The following PEX5L variants were observed in gnomAD, a reference collection of about 807,000 sequenced individuals.
PEX5L encodes PEX5-related protein.
A neutral mutation model predicts 84.0 loss-of-function variants in PEX5L; 30 were observed. The ratio of observed to expected loss-of-function variants is 0.36; its 90% CI spans 0.27 to 0.48. The LOEUF is 0.48. Among genes scored for constraint, PEX5L ranks in the 20% least tolerant of loss-of-function variants. The probability of loss-of-function intolerance (pLI) is 0.99; values close to 1 mark genes in which losing one functional copy is unlikely to be tolerated. For synonymous variants in PEX5L, 270 were observed against 283.1 expected, an observed-to-expected ratio of 0.95 and a Z score of 0.46; for missense variants, 533 against 754.6, an observed-to-expected ratio of 0.71 and a Z score of 3.44.
intron 7 of PEX5L, among the ~76,000 whole-genome samples, chr3:179,862,743 G>A (rs1746651218): frequency 6.6e-6 from 1 of 152,082 alleles, no homozygotes; most frequent in Non-Finnish European, 1.5e-5. Context: ...GATTAATATT[G>A]TTAAATTTCC....
chr3:180,017,127 T>C (rs1300142795), intron 1 of PEX5L, among the ~76,000 whole-genome samples: 1 of 152,192 alleles, frequency 6.6e-6, no homozygotes, highest in Non-Finnish European at 1.5e-5. Flanking sequence ...GTTTACAGAT[T>C]TGAGTCTAAA....
chr3:180,029,217 C>T (rs1034249920), intron 1 of PEX5L, among the ~76,000 whole-genome samples: 10 of 151,890 alleles, frequency 6.6e-5, no homozygotes, highest in Non-Finnish European at 1.2e-4. Flanking sequence ...TTAATAGAGA[C>T]GGGGTTTCAC....
intron 2 of PEX5L, among the ~76,000 whole-genome samples, chr3:179,928,949 C>G (rs1001378909): frequency 3.9e-5 from 6 of 152,204 alleles, no homozygotes; most frequent in African/African-American, 1.4e-4. Flanking sequence ...TTGTAAACAG[C>G]TGTCCCTGTC....
intron 7 of PEX5L, among the ~76,000 whole-genome samples, chr3:179,870,952 C>G (rs1750094010): frequency 6.6e-6 from 1 of 152,104 alleles, no homozygotes; most frequent in Non-Finnish European, 1.5e-5. Flanking sequence ...TTGTGAGCTT[C>G]CATTTTCTTT....
intron 1 of PEX5L, among the ~76,000 whole-genome samples, chr3:180,001,620 C>T (rs1788425993): frequency 6.6e-6 from 1 of 151,916 alleles, no homozygotes; most frequent in Non-Finnish European, 1.5e-5. Flanking sequence ...TTTCATTGTG[C>T]TTTCAAGTAA....
chr3:180,024,110 G>T (rs1157396348), intron 1 of PEX5L, among the ~76,000 whole-genome samples: 2 of 151,914 alleles, frequency 1.3e-5, no homozygotes, highest in Non-Finnish European at 2.9e-5. Flanking sequence ...TTGCACAAAG[G>T]TAGTACATGT....
intron 1 of PEX5L, among the ~76,000 whole-genome samples, chr3:179,990,204 C>A (rs1787251461): frequency 6.6e-6 from 1 of 152,174 alleles, no homozygotes; most frequent in South Asian, 2.1e-4. Context: ...TCCAGTCCCA[C>A]TATTCTATGC....
chr3:179,867,479 C>T (rs1043229654), intron 7 of PEX5L, among the ~76,000 whole-genome samples: 2 of 152,060 alleles, frequency 1.3e-5, no homozygotes, highest in African/African-American at 2.4e-5. Context: ...TTTCTTTCTT[C>T]GTGACTTCCA....
At chr3:179,954,204 CGGG>C (rs542442468) in intron 2 of PEX5L, among the ~76,000 whole-genome samples, 47 of 89,580 alleles carry the variant, frequency 5.2e-4, no homozygotes, top group African/African-American at 1.9e-3. Flanking sequence ...AACCATTAGT[CGGG>C]GGGGGGGGAA....
chr3:179,999,192 G>A (rs1228167782), intron 1 of PEX5L, among the ~76,000 whole-genome samples: 2 of 152,158 alleles, frequency 1.3e-5, no homozygotes, highest in African/African-American at 4.8e-5. Flanking sequence ...AAGAAATTTG[G>A]GGAAAAGGTA....
intron 2 of PEX5L, among the ~76,000 whole-genome samples, chr3:179,970,658 T>C (rs1286583635): frequency 6.6e-6 from 1 of 152,124 alleles, no homozygotes; most frequent in African/African-American, 2.4e-5. Flanking sequence ...CTTCTGATGG[T>C]CATTTTTCCT....
chr3:179,989,185 C>T (rs984614337), intron 1 of PEX5L, among the ~76,000 whole-genome samples: 5 of 152,118 alleles, frequency 3.3e-5, no homozygotes, highest in African/African-American at 1.2e-4. Flanking sequence ...CATGGTCTGG[C>T]ATCTTATATG....
In PEX5L at chr3:179,909,561, T is replaced by C. The variant is rs1764455129; in HGVS notation, c.94-11315A>G. Reference sequence around the variant, plus strand: ...GCTGAATGTAGCCACAAGCAGATAATAACAAACCAGTTTCTAATGATTTGG... The same window carrying C: ...GCTGAATGTAGCCACAAGCAGATAACAACAAACCAGTTTCTAATGATTTGG... On this transcript the variant is annotated intron_variant, in intron 2 of 14. Coordinates refer to ENST00000467460, the MANE Select transcript of PEX5L (RefSeq NM_016559.3). Among the ~76,000 whole-genome samples the C allele has an allele frequency of 2.6e-5, 4 of 152,126 alleles. No homozygotes were observed. In the South Asian group the frequency reaches 8.3e-4, roughly 32 times the overall value.
chr3:179,986,596 G>A (rs1786867942), intron 1 of PEX5L, among the ~76,000 whole-genome samples: 1 of 151,952 alleles, frequency 6.6e-6, no homozygotes, highest in Admixed American at 6.6e-5. Context: ...TAGAGACGGG[G>A]TTTCACCGTG....
chr3:179,858,125 G>A (rs1744709959), intron 8 of PEX5L, among the ~76,000 whole-genome samples: 2 of 152,184 alleles, frequency 1.3e-5, no homozygotes, highest in South Asian at 2.1e-4. Context: ...CACCCTTTCA[G>A]TGTAATCCTT....
At chr3:179,875,263 G>A (rs1751954237) in intron 6 of PEX5L, 91 bp downstream of exon 6, 1 of 1,203,450 alleles carries the variant, frequency 8.3e-7, no homozygotes, top group Non-Finnish European at 1.2e-6. Context: ...GTGATGCCAA[G>A]TATTTGGATT....
At chr3:179,901,634 A>G (rs1447198415) in intron 2 of PEX5L, among the ~76,000 whole-genome samples, 1 of 152,238 alleles carries the variant, frequency 6.6e-6, no homozygotes, top group Non-Finnish European at 1.5e-5. Context: ...ATTTCTTGAA[A>G]TAACGTTGAC....
Position 179,971,593 on chromosome 3 carries a change from C to T in PEX5L, c.93+1G>A, listed in dbSNP as rs1352027438. ...GAAAATGTACGTAAGTATTCACTTA[C>T]CTGCTTTTGATCAACAATTATTTCG... is the stretch of plus-strand genomic sequence containing the variant. On this transcript the variant is annotated splice_donor_variant, in intron 2 of 14. Transcript: ENST00000467460. LOFTEE classifies it high-confidence loss of function. 2 of 1,606,506 alleles carry T rather than the reference C, an allele frequency of 1.2e-6. No individual in the cohort carries two copies. The highest frequency in any genetic ancestry group is 1.7e-6 in the Non-Finnish European group (2 of 1,176,560).
At chr3:179,905,817 T>C (rs1269511117) in intron 2 of PEX5L, among the ~76,000 whole-genome samples, 4 of 152,196 alleles carry the variant, frequency 2.6e-5, no homozygotes, top group Non-Finnish European at 5.9e-5. Flanking sequence ...TGAAACTGCC[T>C]TATGAGAGCA....
Sources: gnomAD v4.1 joint callset for allele counts (sites outside exome capture counted in the v4.1 genomes callset) on GRCh38, gnomAD v4.1.1 for gene constraint, MANE v1.5 for transcripts, NCBI Gene and HGNC (gene_info 2026-07-23, HGNC 2026-07-21) for gene names.